Variants in SFSWAP observed in about 807,000 individuals in gnomAD.
SFSWAP encodes splicing factor SWAP, also known as splicing factor, suppressor of white-apricot homolog.
In SFSWAP, 17 loss-of-function variants were observed where a neutral mutation model predicts 100.7. The ratio of observed to expected loss-of-function variants is 0.17; its 90% confidence interval spans 0.12 to 0.25. SFSWAP has a LOEUF of 0.25. SFSWAP is among the 10% of genes least tolerant of loss of function. The pLI is 1.00. For missense variants in SFSWAP, 1,005 were observed against 1,262.6 expected (o/e 0.80, Z 3.09); for synonymous variants, 504 against 510.1 (o/e 0.99, Z 0.16).
intron 16 of SFSWAP, among the ~76,000 whole-genome samples, chr12:131,798,318 T>C (rs1885821277): frequency 6.6e-6 from 1 of 151,872 alleles, no homozygotes; most frequent in Non-Finnish European, 1.5e-5. Context: ...AATGTAATAA[T>C]GATAAAATGT....
chr12:131,728,521 A>G, intron 7 of SFSWAP, 93 bp downstream of exon 7: 2 of 1,384,786 alleles, frequency 1.4e-6, no homozygotes, highest in Middle Eastern at 2.0e-4. Context: ...CTGTCCTCCA[A>G]GTGTAACAAG....
At chr12:131,726,698 A>G (rs1168813112) in intron 5 of SFSWAP, among the ~76,000 whole-genome samples, 1 of 152,272 alleles carries the variant, frequency 6.6e-6, no homozygotes, top group Non-Finnish European at 1.5e-5. Context: ...GAAAGAAAGC[A>G]TACAGAGCCC....
Position 131,725,709 on chromosome 12 carries a change from G to T in SFSWAP, c.832+79G>T. 9.6e-7 allele frequency: 1 copy of T among 1,037,156 alleles called. No homozygotes were observed. The highest frequency in any genetic ancestry group is 1.5e-6 in the Non-Finnish European group (1 of 681,460). 64.2% of individuals were successfully genotyped at this position (1,037,156 alleles called of 1,614,324 possible). ...GGCAGGCTGGGTGGTTCTGGGAAAAGTGTGAAGATACACATTCTTACAGAT... is the reference window on the plus strand; with the variant it reads ...GGCAGGCTGGGTGGTTCTGGGAAAATTGTGAAGATACACATTCTTACAGAT... On this transcript the variant is annotated intron_variant, in intron 5 of 17. Transcript: ENST00000261674. The surrounding 1 kb of genome is among the most constrained non-coding windows in gnomAD (Gnocchi z 4.3).
intron 7 of SFSWAP, among the ~76,000 whole-genome samples, chr12:131,742,056 CTCTGCTG>C (rs1422989874): frequency 3.9e-5 from 6 of 152,158 alleles, no homozygotes; most frequent in African/African-American, 1.4e-4. Context: ...AAGACCTATC[CTCTGCTG>C]TCTTTTGTGA....
Position 131,799,207 on chromosome 12 carries a change from T to G in SFSWAP, c.2790+98T>G, listed in dbSNP as rs1012403194. 11 of 1,124,964 alleles carry G rather than the reference T, an allele frequency of 9.8e-6. No individual in the cohort carries two copies. The Middle Eastern group carries it at 6.9e-4, about 71-fold the overall frequency. 69.7% of individuals were successfully genotyped at this position (1,124,964 alleles called of 1,614,324 possible). On this transcript the variant is annotated intron_variant, in intron 17 of 17. Transcript: ENST00000261674. The stretch of plus-strand genomic sequence containing the variant: ...TCATTCCCTGTCCCTCCTGTCCCTG[T>G]CATGGGACAGGGATCTCGGGCAAAA...
Position 131,788,770 on chromosome 12 carries a change from C to T in SFSWAP, c.2534+2182C>T, listed in dbSNP as rs1301489964. Among the ~76,000 whole-genome samples the T allele has an allele frequency of 2.0e-5, 3 of 152,062 alleles. No homozygotes were observed. In the East Asian group the frequency reaches 5.8e-4, roughly 29 times the overall value. On this transcript the variant is annotated intron_variant, in intron 15 of 17. Transcript: ENST00000261674. ...TACTGGGATTGCAGACATGAGCTCC[C>T]ATGCCTGGTACAGAATATGTTTTAT...
At chr12:131,795,583 A>C (rs948650903) in intron 15 of SFSWAP, among the ~76,000 whole-genome samples, 1 of 152,040 alleles carries the variant, frequency 6.6e-6, no homozygotes, top group Non-Finnish European at 1.5e-5. Flanking sequence ...AGAATGTCCC[A>C]GATATCGGGG....
At chr12:131,721,409 A>G (rs760582511) in intron 4 of SFSWAP, among the ~76,000 whole-genome samples, 34 of 152,182 alleles carry the variant, frequency 2.2e-4, no homozygotes, top group Non-Finnish European at 3.8e-4. Context: ...TTTTCCATGT[A>G]TTATATATAT....
chr12:131,764,933 G>A (rs564767528), intron 12 of SFSWAP, among the ~76,000 whole-genome samples: 5 of 152,328 alleles, frequency 3.3e-5, no homozygotes, highest in South Asian at 2.1e-4. Context: ...TGAGTTGGCC[G>A]TCTTAGCTCT....
At chr12:131,720,162 C>T (rs1343199029) in intron 4 of SFSWAP, among the ~76,000 whole-genome samples, 3 of 152,196 alleles carry the variant, frequency 2.0e-5, no homozygotes, top group Non-Finnish European at 4.4e-5. Context: ...GGTGTTAAAG[C>T]CCAAACCAGG....
chr12:131,735,501 G>A (rs1879920634), intron 7 of SFSWAP, among the ~76,000 whole-genome samples: 2 of 152,190 alleles, frequency 1.3e-5, no homozygotes, highest in Non-Finnish European at 2.9e-5. Context: ...AGATGATAAA[G>A]GGAAGACAAG....
At chr12:131,772,793 C>T (rs537638530) in intron 13 of SFSWAP, among the ~76,000 whole-genome samples, 1 of 152,174 alleles carries the variant, frequency 6.6e-6, no homozygotes, top group Admixed American at 6.5e-5. Flanking sequence ...CCTCTTGGTA[C>T]CTGAGTTCTT....
At chr12:131,736,038 C>G (rs2136200540) in intron 7 of SFSWAP, among the ~76,000 whole-genome samples, 1 of 152,324 alleles carries the variant, frequency 6.6e-6, no homozygotes, top group Admixed American at 6.5e-5. Context: ...TGTCATGGCA[C>G]CAGCCAACAC....
chr12:131,771,041 G>A (rs1180776847), intron 13 of SFSWAP, among the ~76,000 whole-genome samples: 2 of 152,200 alleles, frequency 1.3e-5, no homozygotes, highest in East Asian at 1.9e-4. Context: ...GTTGAATGGT[G>A]CTCGGTCGTG....
At chr12:131,788,723 A>G (rs1209173089) in intron 15 of SFSWAP, among the ~76,000 whole-genome samples, 1 of 151,860 alleles carries the variant, frequency 6.6e-6, no homozygotes, top group Non-Finnish European at 1.5e-5. Context: ...TCGAGTGATC[A>G]ACCTGCCTCA....
intron 11 of SFSWAP, among the ~76,000 whole-genome samples, chr12:131,760,844 G>C (rs960539361): frequency 5.3e-5 from 8 of 152,090 alleles, no homozygotes; most frequent in Admixed American, 2.6e-4. Flanking sequence ...GAGGCCGAGG[G>C]GGGCAGATCA....
rs769110986 is a variant in SFSWAP, at chr12:131,766,245, C to T, written c.2079C>T (p.Thr693=). The T allele has an allele frequency of 1.2e-6, 2 of 1,614,114 alleles. No homozygotes were observed. The highest frequency in any genetic ancestry group is 1.1e-5 in the South Asian group (1 of 91,084). The change falls in exon 13 of 18, where the codon ACC becomes ACT. Residue 693 remains threonine (T), a synonymous_variant. Coordinates refer to ENST00000261674, the MANE Select transcript of SFSWAP (RefSeq NM_004592.4). The part of the protein sequence containing the change: ...RKRKAALFLQ[T]LKNPLPEAEA... ...GGAAAGCGGCGTTATTTTTACAGAC[C>T]CTCAAAAATCCTCTGCCGGAAGCAG...
chr12:131,754,494 T>C lies in SFSWAP; in HGVS notation c.1449T>C (p.Asp483=). 1.3e-6 allele frequency: 2 copies of C among 1,581,064 alleles called. No individual in the cohort carries two copies. The highest frequency in any genetic ancestry group is 1.7e-6 in the Non-Finnish European group (2 of 1,165,314). ...AGACCAGTGTTCGTGCCAAGAATGA[T>C]CAAAGGTCAGAAGAAGAATTTTATA... ...KFETSVRAKN[D]QRFEFLQPWH... The change falls in exon 9 of 18, where the codon GAT becomes GAC. Residue 483 remains aspartate, a synonymous_variant. Transcript: ENST00000261674.
intron 7 of SFSWAP, among the ~76,000 whole-genome samples, chr12:131,738,099 A>C (rs1880211433): frequency 6.6e-6 from 1 of 152,148 alleles, no homozygotes; most frequent in Non-Finnish European, 1.5e-5. Flanking sequence ...AATATTCTAT[A>C]AATATCTGAA....
Sources: allele counts gnomAD v4.1 joint callset (sites outside exome capture counted in the v4.1 genomes callset), GRCh38; gene constraint gnomAD v4.1.1; non-coding constraint Gnocchi (gnomAD v3.1); transcripts MANE v1.5; gene names NCBI Gene and HGNC (gene_info 2026-07-23, HGNC 2026-07-21).